ARHGAP31: variants seen among roughly 807,000 people sequenced by gnomAD.
ARHGAP31 encodes Rho GTPase activating protein 31.
Under a neutral mutation model 113.9 loss-of-function variants are expected in ARHGAP31, and 34 were observed. The ratio of observed to expected loss-of-function variants is 0.30; its 90% CI spans 0.23 to 0.40. The LOEUF (loss-of-function observed/expected upper bound fraction) is 0.40, where lower values mean the gene tolerates loss of function less well. Ranked by LOEUF, ARHGAP31 falls within the 10% of genes least tolerant of loss-of-function variation. The probability of loss-of-function intolerance (pLI) is 1.00; values close to 1 mark genes in which losing one functional copy is unlikely to be tolerated. For missense variants in ARHGAP31, 1,548 were observed against 1,767.1 expected, an observed-to-expected ratio of 0.88 and a Z score of 2.22; for synonymous variants, 650 against 684.8, an observed-to-expected ratio of 0.95 and a Z score of 0.79.
rs770331323 is a variant in ARHGAP31 at position 119,419,370 on chromosome 3, T to C, written c.*3106T>C. On this transcript the variant is annotated 3_prime_UTR_variant, in exon 12 of 12. Coordinates refer to ENST00000264245, the MANE Select transcript of ARHGAP31 (RefSeq NM_020754.4). Reference sequence around the variant, plus strand: ...GCTACACTTGGAATATGAAGAAATCTGAACAAGAACCCCATTAAGACACCT... The same window carrying C: ...GCTACACTTGGAATATGAAGAAATCCGAACAAGAACCCCATTAAGACACCT... The C allele has an allele frequency of 6.6e-6, 1 of 152,222 alleles. No homozygotes were observed. The highest frequency in any genetic ancestry group is 1.5e-5 in the Non-Finnish European group (1 of 68,044). 9.4% of individuals were successfully genotyped at this position (152,222 alleles called of 1,614,324 possible).
intron 8 of ARHGAP31, among the ~76,000 whole-genome samples, chr3:119,395,689 G>A (rs1183400603): frequency 2.6e-5 from 4 of 152,154 alleles, no homozygotes. Flanking sequence ...TCAATGGTGT[G>A]CCTTGTGCTG....
intron 1 of ARHGAP31, chr3:119,314,257 C>T (rs774380933): frequency 3.9e-5 from 6 of 152,354 alleles, no homozygotes; most frequent in Non-Finnish European, 7.3e-5. Context: ...TCTTTTGCAC[C>T]TCAGCTCGGA....
intron 10 of ARHGAP31, among the ~76,000 whole-genome samples, chr3:119,405,631 TG>T (rs1027604909): frequency 7.9e-5 from 12 of 152,086 alleles, no homozygotes; most frequent in South Asian, 4.2e-4. Flanking sequence ...AGCTAAAACC[TG>T]GGGGGTGGGG....
At chr3:119,354,560 T>A (rs1319600223) in intron 1 of ARHGAP31, among the ~76,000 whole-genome samples, 1 of 151,738 alleles carries the variant, frequency 6.6e-6, no homozygotes, top group East Asian at 1.9e-4. Flanking sequence ...CAGGCTAAAG[T>A]GCAGTGGTGC....
Position 119,380,911 on chromosome 3 carries a change from T to C in ARHGAP31, c.356T>C (p.Val119Ala). ...YELYEKFTEAVSHCPEEGQLA... is the reference protein window; with the variant it reads ...YELYEKFTEAASHCPEEGQLA... ...TTGTGTTCTTCTCCACAGGAGGCAGTGTCGCATTGCCCTGAAGAAGGCCAA... is the reference window on the plus strand; with the variant it reads ...TTGTGTTCTTCTCCACAGGAGGCAGCGTCGCATTGCCCTGAAGAAGGCCAA... Residue 119 changes from valine (V) to alanine (A), a missense_variant, in exon 4 of 12, where the codon GTG becomes GCG. Physicochemically the swap from Val to Ala is moderately conservative, Grantham distance 64. Transcript: ENST00000264245. 1 of 1,614,126 alleles carries C rather than the reference T, an allele frequency of 6.2e-7. No individual in the cohort carries two copies. Among genetic ancestry groups the C allele is most frequent in the Non-Finnish European group, 8.5e-7 (1 of 1,179,962 alleles).
rs569155277 is a variant in ARHGAP31 at position 119,415,373 on chromosome 3, T to A, written c.3444T>A (p.Ser1148=). 8 of 1,614,116 alleles carry A rather than the reference T, an allele frequency of 5.0e-6. No homozygotes were observed. The South Asian group carries it at 7.7e-5, about 16-fold the overall frequency. The part of the protein sequence containing the change: ...GDPKVTWMTS[S]YCKADPWRVY... ...CAAAGGTCACATGGATGACCTCATC[T>A]TACTGTAAAGCAGACCCCTGGAGGG... Residue 1148 remains serine (S), a synonymous_variant, in exon 12 of 12, where the codon TCT becomes TCA. Coordinates refer to ENST00000264245, the MANE Select transcript of ARHGAP31 (RefSeq NM_020754.4).
chr3:119,371,577 C>T (rs1306403822), intron 3 of ARHGAP31, among the ~76,000 whole-genome samples: 1 of 152,198 alleles, frequency 6.6e-6, no homozygotes. Context: ...ATGGAAATAG[C>T]TCTGTTACAT....
intron 1 of ARHGAP31, among the ~76,000 whole-genome samples, chr3:119,301,578 A>C (rs7649480): frequency 0.35 from 53,929 of 152,028 alleles, 9,933 homozygotes; most frequent in Non-Finnish European, 0.4. Flanking sequence ...TGTGAGGGGA[A>C]ACACATTCCG....
chr3:119,334,779 T>G (rs192718366), intron 1 of ARHGAP31, among the ~76,000 whole-genome samples: 3 of 152,382 alleles, frequency 2.0e-5, no homozygotes, highest in Admixed American at 2.0e-4. Flanking sequence ...ATTCATTTAA[T>G]TCTTACAATA....
intron 1 of ARHGAP31, among the ~76,000 whole-genome samples, chr3:119,354,488 G>C (rs2080138722): frequency 6.6e-6 from 1 of 151,528 alleles, no homozygotes. Flanking sequence ...GTGTGTGTGT[G>C]TGTGTGTGTG....
At position 119,357,290 on chromosome 3, in the gene ARHGAP31, A is replaced by G. The variant is rs1553763113; in HGVS notation, c.101-8026A>G. Among the ~76,000 whole-genome samples the G allele has an allele frequency of 4.6e-5, 7 of 152,318 alleles. No homozygotes were observed. In the South Asian group the frequency reaches 1.2e-3, roughly 27 times the overall value. On this transcript the variant is annotated intron_variant, in intron 1 of 11. Coordinates refer to ENST00000264245, the MANE Select transcript of ARHGAP31 (RefSeq NM_020754.4). ...AAAAGATAAGCAGGAGGAGTTTCTCAGTGGAGAAGAGGCAATGGGCTCAGA... is the reference window on the plus strand; with the variant it reads ...AAAAGATAAGCAGGAGGAGTTTCTCGGTGGAGAAGAGGCAATGGGCTCAGA...
intron 1 of ARHGAP31, chr3:119,324,786 A>G (rs1227960297): frequency 1.8e-5 from 7 of 392,188 alleles, no homozygotes; most frequent in Middle Eastern, 3.8e-4. Flanking sequence ...AGTTGTATCT[A>G]TTCTAACTGG....
At position 119,414,145 on chromosome 3, in the gene ARHGAP31, C is replaced by T. The variant is rs200598971; in HGVS notation, c.2216C>T (p.Pro739Leu). Residue 739 changes from proline (P) to leucine (L), a missense_variant, in exon 12 of 12, where the codon CCG (proline) becomes CTG (leucine). By Grantham distance (98) the Pro-to-Leu change is moderately conservative. Transcript: ENST00000264245. The stretch of plus-strand genomic sequence containing the variant: ...TCCACAGCAGCCAGCAGAGAGAAGC[C>T]GGAACCTGAGCAGGGCCTGCACCCA... Reference protein sequence around the residue: ...GASTAASREKPEPEQGLHPDL... With the variant: ...GASTAASREKLEPEQGLHPDL... 266 of 1,614,168 alleles carry T rather than the reference C, an allele frequency of 1.6e-4. No individual in the cohort carries two copies. Among genetic ancestry groups the T allele is most frequent in the Middle Eastern group, 1.2e-3 (7 of 6,062 alleles).
intron 1 of ARHGAP31, among the ~76,000 whole-genome samples, chr3:119,362,456 C>T (rs2080216645): frequency 6.6e-6 from 1 of 152,142 alleles, no homozygotes; most frequent in East Asian, 1.9e-4. Context: ...TAAAGAAAGA[C>T]ACAACAGCCA....
In ARHGAP31 at chr3:119,390,827, C is replaced by T; in HGVS notation, c.725C>T (p.Ser242Phe). The change falls in exon 7 of 12, where the codon TCC (serine) becomes TTC (phenylalanine). Residue 242 changes from serine to phenylalanine, a missense_variant. By Grantham distance (155) the Ser-to-Phe change is radical. Coordinates refer to ENST00000264245, the MANE Select transcript of ARHGAP31 (RefSeq NM_020754.4). ...IMKSLTLPAL[S>F]LPMKLVSLEE... is the part of the protein sequence containing the mutation. Reference sequence around the variant, plus strand: ...AAGAGCCTGACCTTGCCAGCCCTCTCCCTGCCCATGAAGCTGGTGAGCCTT... The same window carrying T: ...AAGAGCCTGACCTTGCCAGCCCTCTTCCTGCCCATGAAGCTGGTGAGCCTT... The T allele has an allele frequency of 6.2e-7, 1 of 1,613,482 alleles. No individual in the cohort carries two copies.
At chr3:119,391,156 C>T (rs2080500675) in intron 7 of ARHGAP31, among the ~76,000 whole-genome samples, 173 bp downstream of exon 7, 1 of 152,088 alleles carries the variant, frequency 6.6e-6, no homozygotes, top group African/African-American at 2.4e-5. Context: ...ACTCTCTCAC[C>T]AGCAGTTGAT....
chr3:119,348,815 G>A (rs1156815829), intron 1 of ARHGAP31, among the ~76,000 whole-genome samples: 1 of 152,136 alleles, frequency 6.6e-6, no homozygotes, highest in East Asian at 1.9e-4. Flanking sequence ...ATCCAAGGAT[G>A]CAGAACCCAC....
In ARHGAP31 at chr3:119,356,876, T is replaced by A. The variant is rs183204278; in HGVS notation, c.101-8440T>A. 1.7e-4 allele frequency among the ~76,000 whole-genome samples: 26 copies of A among 152,286 alleles called. No homozygotes were observed. The East Asian group carries it at 2.3e-3, about 14-fold the overall frequency. On this transcript the variant is annotated intron_variant, in intron 1 of 11. Transcript: ENST00000264245. ...AATAGCCTTGCACATACCTTACATG[T>A]CACATGTACAAGAATATCTGTGGGA... is the stretch of plus-strand genomic sequence containing the variant.
chr3:119,359,320 C>T (rs1447049607), intron 1 of ARHGAP31, among the ~76,000 whole-genome samples: 1 of 151,802 alleles, frequency 6.6e-6, no homozygotes, highest in African/African-American at 2.4e-5. Flanking sequence ...TGTGACTGGC[C>T]TATATCTCAG....
Sources: gnomAD v4.1 joint callset for allele counts (sites outside exome capture counted in the v4.1 genomes callset) on GRCh38, gnomAD v4.1.1 for gene constraint, MANE v1.5 for transcripts, NCBI Gene and HGNC (gene_info 2026-07-23, HGNC 2026-07-21) for gene names.